The following PLEKHA8 variants were observed in gnomAD, a reference collection of about 807,000 sequenced individuals.
PLEKHA8 encodes the protein pleckstrin homology domain-containing family A member 8.
PLEKHA8 carries 36 observed loss-of-function variants against 68.2 expected under a neutral mutation model. That is an observed-to-expected ratio of 0.53 (90% CI 0.40 to 0.70). The LOEUF is 0.70. PLEKHA8 is among the 30% of genes least tolerant of loss of function. The probability of loss-of-function intolerance (pLI) is 0.00; values close to 1 mark genes in which losing one functional copy is unlikely to be tolerated. For missense variants in PLEKHA8, 505 were observed against 615.4 expected (o/e 0.82, Z 1.90); for synonymous variants, 211 against 216.1 (o/e 0.98, Z 0.20).
At chr7:30,129,287 C>T (rs748056528) in exon 14 of PLEKHA8, 17 of 1,612,446 alleles carry the variant, frequency 1.1e-5, no homozygotes, top group African/African-American at 2.7e-5. Flanking sequence ...TGGGTGTAGA[C>T]GGAACTCCAG....
At chr7:30,090,702 A>C (rs1234091336) in exon 13 of PLEKHA8, 10 of 671,626 alleles carry the variant, frequency 1.5e-5, no homozygotes, top group Non-Finnish European at 1.8e-5. Flanking sequence ...AATTTCTTAA[A>C]TTTTTTGGTA....
At chr7:30,042,494 A>G (rs1791618670) in intron 1 of PLEKHA8, among the ~76,000 whole-genome samples, 1 of 152,150 alleles carries the variant, frequency 6.6e-6, no homozygotes, top group Admixed American at 6.5e-5. Context: ...GCATCATGGG[A>G]GTTGAGCTGT....
chr7:30,055,366 C>G (rs1792761217), intron 9 of PLEKHA8, 24 bp downstream of exon 9: 2 of 1,593,596 alleles, frequency 1.3e-6, no homozygotes, highest in Non-Finnish European at 1.7e-6. Context: ...AGTTGCCTTA[C>G]ATTCATTCAT....
intron 1 of PLEKHA8, among the ~76,000 whole-genome samples, chr7:30,033,717 G>T (rs1195450366): frequency 2.0e-5 from 3 of 152,088 alleles, no homozygotes; most frequent in Non-Finnish European, 4.4e-5. Context: ...TTAATAATTT[G>T]AGAGACTACC....
At chr7:30,091,937 A>C (rs1005505921), downstream of PLEKHA8, among the ~76,000 whole-genome samples, 1 of 152,250 alleles carries the variant, frequency 6.6e-6, no homozygotes, top group Admixed American at 6.5e-5. Flanking sequence ...AGAATGGAGC[A>C]GTAAACTTTA....
chr7:30,075,544 A>G (rs936875056), intron 13 of PLEKHA8, among the ~76,000 whole-genome samples: 3 of 152,164 alleles, frequency 2.0e-5, no homozygotes, highest in Admixed American at 6.6e-5. Context: ...GTTATCTCCA[A>G]GGTGCTAGTG....
At position 30,078,780 on chromosome 7, in the gene PLEKHA8, TG is replaced by T; in HGVS notation, c.1555del (p.Val519TyrfsTer14). Reference sequence around the variant, plus strand: ...GTCCACGGGCTGGAATCTGATGAGGTGGTATGATGGCTGCTGGGCAGCACCT... The same window carrying T: ...GTCCACGGGCTGGAATCTGATGAGGTGTATGATGGCTGCTGGGCAGCACCT... ...YEVHGLESDE[V>X]V On this transcript the variant is annotated frameshift_variant, in exon 14 of 14. Coordinates refer to ENST00000449726, the MANE Select transcript of PLEKHA8 (RefSeq NM_001197026.2). LOFTEE classifies it high-confidence loss of function. 6.2e-7 allele frequency: 1 copy of T among 1,613,270 alleles called. No individual in the cohort carries two copies. The highest frequency in any genetic ancestry group is 1.7e-4 in the Middle Eastern group (1 of 6,050).
In PLEKHA8 at chr7:30,081,752, A is replaced by C; in HGVS notation, c.*2965A>C. On this transcript the variant is annotated 3_prime_UTR_variant, in exon 14 of 14. Transcript: ENST00000449726. ...GAAATTGGTCTACTAGGTATTGTAG[A>C]CACAAATAAGTAACATTAGGCTAAC... 1.0e-6 allele frequency: 1 copy of C among 985,422 alleles called. No homozygotes were observed. The allele number at this position is 985,422 out of a possible 1,614,324, so 61.0% of individuals were successfully genotyped here.
intron 1 of PLEKHA8, among the ~76,000 whole-genome samples, chr7:30,033,788 C>T (rs1047645839): frequency 6.6e-6 from 1 of 152,060 alleles, no homozygotes; most frequent in Non-Finnish European, 1.5e-5. Flanking sequence ...AAGAAGTTTC[C>T]GTCTTCACAT....
At chr7:30,035,511 T>G (rs1487522885) in intron 1 of PLEKHA8, among the ~76,000 whole-genome samples, 2 of 152,226 alleles carry the variant, frequency 1.3e-5, no homozygotes, top group African/African-American at 4.8e-5. Context: ...GGATTCTTTT[T>G]CATATAATTA....
At chr7:30,058,712 T>G (rs1793196350) in intron 9 of PLEKHA8, among the ~76,000 whole-genome samples, 1 of 152,208 alleles carries the variant, frequency 6.6e-6, no homozygotes. Context: ...TCAAGATTGT[T>G]ATGGAAATTC....
At chr7:30,115,721 C>T (rs1562557663) in intron 13 of PLEKHA8, 2 of 113,628 alleles carry the variant, frequency 1.8e-5, no homozygotes, top group African/African-American at 6.6e-5. Context: ...TACGCGCATG[C>T]ATGCATACAC....
chr7:30,107,162 A>G (rs1796090156), intron 13 of PLEKHA8, among the ~76,000 whole-genome samples: 1 of 152,108 alleles, frequency 6.6e-6, no homozygotes, highest in Non-Finnish European at 1.5e-5. Flanking sequence ...CCTACCAATG[A>G]ATATAGTTTA....
intron 1 of PLEKHA8, among the ~76,000 whole-genome samples, chr7:30,041,329 C>T (rs1391898652): frequency 6.6e-6 from 1 of 152,072 alleles, no homozygotes; most frequent in East Asian, 1.9e-4. Context: ...TATTGAACAT[C>T]CCTTGTATAA....
Position 30,081,267 on chromosome 7 carries a change from T to C in PLEKHA8, c.*2480T>C, listed in dbSNP as rs1255739548. On this transcript the variant is annotated 3_prime_UTR_variant, in exon 14 of 14. Transcript: ENST00000449726. The stretch of plus-strand genomic sequence containing the variant: ...AGGGTAATATTTTTTAATAGGTATT[T>C]TCCCCACTGGAGCATATTACGTTTG... 9 of 985,270 alleles carry C rather than the reference T, an allele frequency of 9.1e-6. No individual in the cohort carries two copies. In the African/African-American group the frequency reaches 1.6e-4, roughly 17 times the overall value. 61.0% of individuals were successfully genotyped at this position (985,270 alleles called of 1,614,324 possible).
Position 30,081,806 on chromosome 7 carries a change from A to G in PLEKHA8, c.*3019A>G, listed in dbSNP as rs1794944696. On this transcript the variant is annotated 3_prime_UTR_variant, in exon 14 of 14. Coordinates refer to ENST00000449726, the MANE Select transcript of PLEKHA8 (RefSeq NM_001197026.2). ...TTATGAGACATTTCCACACAATTTC[A>G]TCGTGCCTGTACTTTTCTCTATGGT... 1.0e-6 allele frequency: 1 copy of G among 985,322 alleles called. No individual in the cohort carries two copies. Among genetic ancestry groups the G allele is most frequent in the African/African-American group, 1.7e-5 (1 of 57,258 alleles). 61.0% of individuals were successfully genotyped at this position (985,322 alleles called of 1,614,324 possible).
intron 7 of PLEKHA8, among the ~76,000 whole-genome samples, chr7:30,053,358 C>T (rs187561414): frequency 1.1e-4 from 17 of 152,298 alleles, no homozygotes; most frequent in African/African-American, 4.1e-4. Flanking sequence ...AATCCCTTGG[C>T]ACTAATCACT....
rs1312786671 is a variant in PLEKHA8 at position 30,083,830 on chromosome 7, A to C, written c.*5043A>C. 1.0e-6 allele frequency: 1 copy of C among 985,306 alleles called. No individual in the cohort carries two copies. The highest frequency in any genetic ancestry group is 1.1e-4 in the East Asian group (1 of 8,826). The allele number at this position is 985,306 out of a possible 1,614,324, so 61.0% of individuals were successfully genotyped here. ...TCAGTATTTCCTCCCTGTACCTTACAAACAGAAACCACCCTGGGATGGTTG... is the reference window on the plus strand; with the variant it reads ...TCAGTATTTCCTCCCTGTACCTTACCAACAGAAACCACCCTGGGATGGTTG... On this transcript the variant is annotated 3_prime_UTR_variant, in exon 14 of 14. Coordinates refer to ENST00000449726, the MANE Select transcript of PLEKHA8 (RefSeq NM_001197026.2).
Position 30,081,029 on chromosome 7 carries a change from C to T in PLEKHA8, c.*2242C>T, listed in dbSNP as rs75266885. On this transcript the variant is annotated 3_prime_UTR_variant, in exon 14 of 14. Transcript: ENST00000449726. Reference sequence around the variant, plus strand: ...GAGAGGTAGCACTCTGAAAATACCTCAGGTTTGCCACCGCAACTCTGAATA... The same window carrying T: ...GAGAGGTAGCACTCTGAAAATACCTTAGGTTTGCCACCGCAACTCTGAATA... 260 of 985,334 alleles carry T rather than the reference C, an allele frequency of 2.6e-4. No homozygotes were observed. In the African/African-American group the frequency reaches 4.3e-3, roughly 16 times the overall value. 61.0% of individuals were successfully genotyped at this position (985,334 alleles called of 1,614,324 possible). A position where few individuals can be genotyped will look rare whatever the true frequency, so the allele number is the denominator to read the frequency against.
Sources: gnomAD v4.1 joint callset for allele counts (sites outside exome capture counted in the v4.1 genomes callset) on GRCh38, gnomAD v4.1.1 for gene constraint, MANE v1.5 for transcripts, NCBI Gene and HGNC (gene_info 2026-07-23, HGNC 2026-07-21) for gene names.